The following RPTOR variants were observed in gnomAD, a reference collection of about 807,000 sequenced individuals.
RPTOR encodes regulatory-associated protein of mTOR.
A neutral mutation model predicts 169.9 loss-of-function variants in RPTOR; 21 were observed. The ratio of observed to expected loss-of-function variants is 0.12; its 90% CI spans 0.09 to 0.18. The LOEUF (loss-of-function observed/expected upper bound fraction) is 0.18, where lower values mean the gene tolerates loss of function less well. Ranked by LOEUF, RPTOR falls within the 10% of genes least tolerant of loss-of-function variation. The pLI is 1.00. For missense variants in RPTOR, 1,133 were observed against 1,855.9 expected, an observed-to-expected ratio of 0.61 and a Z score of 7.16; for synonymous variants, 732 against 753.2, an observed-to-expected ratio of 0.97 and a Z score of 0.46.
intron 1 of RPTOR, among the ~76,000 whole-genome samples, chr17:80,577,927 A>G (rs1275408313): frequency 6.6e-6 from 1 of 152,204 alleles, no homozygotes; most frequent in East Asian, 1.9e-4. Flanking sequence ...ATTTTAGCTG[A>G]TTGAAGGCAA....
In RPTOR at chr17:80,845,496, A is replaced by G. The variant is rs2067718856; in HGVS notation, c.1213-977A>G. The stretch of plus-strand genomic sequence containing the variant: ...TCCAGCCCTCCCCCTGCTTCTCTGC[A>G]TCTGGGCCCCCTTGCTTTGCCGCCT... On this transcript the variant is annotated intron_variant, in intron 10 of 33. Coordinates refer to ENST00000306801, the MANE Select transcript of RPTOR (RefSeq NM_020761.3). This position sits in a 1 kb window ranked among gnomAD's most constrained non-coding sequence, Gnocchi z 5.4. Among the ~76,000 whole-genome samples the G allele has an allele frequency of 6.7e-6, 1 of 149,686 alleles. No homozygotes were observed. Among genetic ancestry groups the G allele is most frequent in the African/African-American group, 2.5e-5 (1 of 40,412 alleles).
chr17:80,837,529 C>T (rs375220067), intron 9 of RPTOR, among the ~76,000 whole-genome samples: 7 of 152,216 alleles, frequency 4.6e-5, no homozygotes, highest in Non-Finnish European at 7.3e-5. Flanking sequence ...TCAGAGCCTG[C>T]GCAGGGACCA....
intron 9 of RPTOR, among the ~76,000 whole-genome samples, chr17:80,825,196 G>A (rs968411806): frequency 6.7e-6 from 1 of 149,890 alleles, no homozygotes; most frequent in Non-Finnish European, 1.5e-5. Flanking sequence ...TAGAGGCCGC[G>A]TGGCGAGGCC....
intron 1 of RPTOR, among the ~76,000 whole-genome samples, chr17:80,599,176 A>G (rs962506785): frequency 2.6e-5 from 4 of 152,182 alleles, no homozygotes; most frequent in Non-Finnish European, 2.9e-5. Context: ...AGACCAGGTT[A>G]TAAAAGGCTC....
intron 3 of RPTOR, among the ~76,000 whole-genome samples, chr17:80,661,888 A>G (rs2065727157): frequency 6.6e-6 from 1 of 152,128 alleles, no homozygotes; most frequent in African/African-American, 2.4e-5. Context: ...TGCGCTGCAC[A>G]CCAGGGCCTC....
rs996738918 is a variant in RPTOR at position 80,754,941 on chromosome 17, C to A, written c.830+756C>A. ...GACACCGTGCTGTCGGCCGAGGACA[C>A]TCTTGAGGCTTCTGTCAAGATGGCC... On this transcript the variant is annotated intron_variant, in intron 6 of 33. Transcript: ENST00000306801. The surrounding 1 kb of genome is among the most constrained non-coding windows in gnomAD (Gnocchi z 4.2). Among the ~76,000 whole-genome samples, 32 of 152,228 alleles carry A rather than the reference C, an allele frequency of 2.1e-4. No individual in the cohort carries two copies. Among genetic ancestry groups the A allele is most frequent in the African/African-American group, 5.8e-4 (24 of 41,466 alleles).
At chr17:80,690,257 T>G (rs780453158) in intron 3 of RPTOR, among the ~76,000 whole-genome samples, 1 of 151,984 alleles carries the variant, frequency 6.6e-6, no homozygotes, top group Non-Finnish European at 1.5e-5. Context: ...ATCCCAGACT[T>G]CATGTAATTT....
intron 6 of RPTOR, among the ~76,000 whole-genome samples, chr17:80,771,803 C>T (rs1192329242): frequency 2.0e-5 from 3 of 152,132 alleles, no homozygotes; most frequent in East Asian, 1.9e-4. Context: ...GCCTCGCCCC[C>T]GATATGGGGG....
At position 80,950,039 on chromosome 17, in the gene RPTOR, G is replaced by A. The variant is rs536152023; in HGVS notation, c.3370+492G>A. On this transcript the variant is annotated intron_variant, in intron 28 of 33. Coordinates refer to ENST00000306801, the MANE Select transcript of RPTOR (RefSeq NM_020761.3). Reference sequence around the variant, plus strand: ...GTGCCGGCTCTGGGTACAGTTCTGCGTGTTGCCTGCACCGCTGCACGGCCT... The same window carrying A: ...GTGCCGGCTCTGGGTACAGTTCTGCATGTTGCCTGCACCGCTGCACGGCCT... 8.9e-4 allele frequency among the ~76,000 whole-genome samples: 135 copies of A among 152,338 alleles called. 2 individuals carry two copies. The highest frequency in any genetic ancestry group is 2.9e-3 in the African/African-American group (122 of 41,586).
At chr17:80,691,743 T>C (rs544242455) in intron 3 of RPTOR, among the ~76,000 whole-genome samples, 3 of 152,272 alleles carry the variant, frequency 2.0e-5, no homozygotes, top group African/African-American at 7.2e-5. Context: ...TGGGAAGTGG[T>C]ATGGAGAGCT....
chr17:80,957,818 G>A lies in RPTOR; in HGVS notation c.3477+88G>A, dbSNP rs1409582904. 33 of 1,217,366 alleles carry A rather than the reference G, an allele frequency of 2.7e-5. No individual in the cohort carries two copies. The highest frequency in any genetic ancestry group is 3.5e-5 in the Non-Finnish European group (29 of 832,994). The allele number at this position is 1,217,366 out of a possible 1,614,324, so 75.4% of individuals were successfully genotyped here. On this transcript the variant is annotated intron_variant, in intron 29 of 33. Transcript: ENST00000306801. This position sits in a 1 kb window ranked among gnomAD's most constrained non-coding sequence, Gnocchi z 4.6. ...CGTCACAGAACCCAGCAAAGTGTGC[G>A]GTGAGGCCTGGCCATCCCAGGGGTG...
chr17:80,843,046 G>A (rs75479859), intron 10 of RPTOR, among the ~76,000 whole-genome samples: 2,372 of 152,212 alleles, frequency 0.016, 27 homozygotes, highest in Non-Finnish European at 0.025. Context: ...CCACAACTTC[G>A]TTTTTTTCCC....
At chr17:80,711,744 C>CTTT (rs1226456124) in intron 4 of RPTOR, among the ~76,000 whole-genome samples, 1,758 of 88,838 alleles carry the variant, frequency 0.02, 372 homozygotes, top group African/African-American at 0.1. Context: ...ATACATCAGT[C>CTTT]TTTTTTTTTT....
chr17:80,643,640 G>A lies in RPTOR; in HGVS notation c.266-88G>A, dbSNP rs1026528086. 8.3e-5 allele frequency: 80 copies of A among 964,262 alleles called. 1 individual carries two copies. Among genetic ancestry groups the A allele is most frequent in the Non-Finnish European group, 1.1e-4 (70 of 632,070 alleles). 59.7% of individuals were successfully genotyped at this position (964,262 alleles called of 1,614,324 possible). A position where few individuals can be genotyped will look rare whatever the true frequency, so the allele number is the denominator to read the frequency against. ...TTAGTCAAAGGTGACTTTGAAGTGT[G>A]TTATATAAGGAGAAACTGTGGAAGA... On this transcript the variant is annotated intron_variant, in intron 2 of 33. Transcript: ENST00000306801.
In RPTOR at chr17:80,820,892, C is replaced by T. The variant is rs569627858; in HGVS notation, c.891-1309C>T. Reference sequence around the variant, plus strand: ...CTGGCCAGCAGCCTGACTAGAAAACCCTGATGTTGGGTAAACTGGTCTCCA... The same window carrying T: ...CTGGCCAGCAGCCTGACTAGAAAACTCTGATGTTGGGTAAACTGGTCTCCA... On this transcript the variant is annotated intron_variant, in intron 7 of 33. Transcript: ENST00000306801. This position sits in a 1 kb window ranked among gnomAD's most constrained non-coding sequence, Gnocchi z 4.1. Among the ~76,000 whole-genome samples the T allele has an allele frequency of 1.3e-5, 2 of 152,304 alleles. No individual in the cohort carries two copies. The highest frequency in any genetic ancestry group is 6.5e-5 in the Admixed American group (1 of 15,298).
At chr17:80,582,483 A>G (rs1240111480) in intron 1 of RPTOR, among the ~76,000 whole-genome samples, 1 of 150,484 alleles carries the variant, frequency 6.6e-6, no homozygotes, top group Admixed American at 6.6e-5. Flanking sequence ...TCGCACATAC[A>G]TGTGTGCATC....
chr17:80,908,048 C>T (rs947874804), intron 20 of RPTOR, among the ~76,000 whole-genome samples: 1 of 152,202 alleles, frequency 6.6e-6, no homozygotes, highest in African/African-American at 2.4e-5. Context: ...CTGGGGGTAA[C>T]ACCTGCCTGT....
At chr17:80,594,328 A>G (rs12451444) in intron 1 of RPTOR, among the ~76,000 whole-genome samples, 15,858 of 152,048 alleles carry the variant, frequency 0.1, 1,044 homozygotes, top group South Asian at 0.16. Flanking sequence ...TCCTGACCTC[A>G]TGATCCACCC....
chr17:80,828,521 G>A (rs1227434141), intron 9 of RPTOR, among the ~76,000 whole-genome samples: 1 of 152,234 alleles, frequency 6.6e-6, no homozygotes, highest in Non-Finnish European at 1.5e-5. Context: ...CCTTGGTTGG[G>A]ACCTCACTGA....
Sources: allele counts gnomAD v4.1 joint callset (sites outside exome capture counted in the v4.1 genomes callset), GRCh38; gene constraint gnomAD v4.1.1; non-coding constraint Gnocchi (gnomAD v3.1); transcripts MANE v1.5; gene names NCBI Gene and HGNC (gene_info 2026-07-23, HGNC 2026-07-21).